Variants in FSBP observed in about 807,000 individuals in gnomAD.
FSBP encodes the protein fibrinogen silencer binding protein.
Under a neutral mutation model 24.6 loss-of-function variants are expected in FSBP, and 18 were observed. That is an observed-to-expected ratio of 0.73 (90% CI 0.51 to 1.08). The LOEUF (loss-of-function observed/expected upper bound fraction) is 1.08. Ranked by LOEUF, FSBP falls within the 50% of genes least tolerant of loss-of-function variation. The probability of loss-of-function intolerance (pLI) is 0.00; values close to 1 mark genes in which losing one functional copy is unlikely to be tolerated. For missense variants in FSBP, 305 were observed against 347.6 expected, an observed-to-expected ratio of 0.88 and a Z score of 0.98; for synonymous variants, 110 against 125.8, an observed-to-expected ratio of 0.87 and a Z score of 0.84.
chr8:94,433,430 T>C (rs181281326), intron 1 of FSBP, among the ~76,000 whole-genome samples: 1 of 152,134 alleles, frequency 6.6e-6, no homozygotes, highest in African/African-American at 2.4e-5. Flanking sequence ...GCTCATTATG[T>C]GTTGAATGAC....
intron 1 of FSBP, among the ~76,000 whole-genome samples, chr8:94,433,100 T>C (rs767853065): frequency 6.6e-6 from 1 of 152,070 alleles, no homozygotes; most frequent in Non-Finnish European, 1.5e-5. Context: ...CTTAAAACCA[T>C]GAAGGCCCAT....
In FSBP at chr8:94,428,036, G is replaced by A; in HGVS notation, c.*4095C>T. The A allele has an allele frequency of 1.1e-6, 1 of 947,134 alleles. No homozygotes were observed. The highest frequency in any genetic ancestry group is 1.3e-6 in the Non-Finnish European group (1 of 795,224). The allele number at this position is 947,134 out of a possible 1,614,324, so 58.7% of individuals were successfully genotyped here. A position where few individuals can be genotyped will look rare whatever the true frequency, so the allele number is the denominator to read the frequency against. ...GTATTCGTTAGAAATGAGTTTCACT[G>A]ACTTTTCTCAGGATGTCATTATAAA... is the stretch of plus-strand genomic sequence containing the variant. On this transcript the variant is annotated 3_prime_UTR_variant, in exon 2 of 2. Coordinates refer to ENST00000481490, the MANE Select transcript of FSBP (RefSeq NM_001256141.2).
chr8:94,429,147 A>T lies in FSBP; in HGVS notation c.*2984T>A. On this transcript the variant is annotated 3_prime_UTR_variant, in exon 2 of 2. Coordinates refer to ENST00000481490, the MANE Select transcript of FSBP (RefSeq NM_001256141.2). ...AAGAGTGTGATTCTGGTGTTTAAAA[A>T]TATGTAAAAATAGGTTTCTTATTGT... 1.0e-6 allele frequency: 1 copy of T among 974,138 alleles called. No homozygotes were observed. The highest frequency in any genetic ancestry group is 1.8e-5 in the African/African-American group (1 of 57,098). 60.3% of individuals were successfully genotyped at this position (974,138 alleles called of 1,614,324 possible). A position where few individuals can be genotyped will look rare whatever the true frequency, so the allele number is the denominator to read the frequency against.
chr8:94,429,016 A>T lies in FSBP; in HGVS notation c.*3115T>A. The T allele has an allele frequency of 5.1e-6, 5 of 983,478 alleles. No individual in the cohort carries two copies. Among genetic ancestry groups the T allele is most frequent in the Non-Finnish European group, 6.0e-6 (5 of 828,134 alleles). 60.9% of individuals were successfully genotyped at this position (983,478 alleles called of 1,614,324 possible). A position where few individuals can be genotyped will look rare whatever the true frequency, so the allele number is the denominator to read the frequency against. ...ATCATGGTTATACAAGGGGAGGTAG[A>T]CAATGAGGAGAATTATATGCATTTA... On this transcript the variant is annotated 3_prime_UTR_variant, in exon 2 of 2. Coordinates refer to ENST00000481490, the MANE Select transcript of FSBP (RefSeq NM_001256141.2).
Position 94,430,052 on chromosome 8 carries a change from G to A in FSBP, c.*2079C>T. On this transcript the variant is annotated 3_prime_UTR_variant, in exon 2 of 2. Coordinates refer to ENST00000481490, the MANE Select transcript of FSBP (RefSeq NM_001256141.2). ...ATTTAGGCTGGGCACGGTGGCTCAA[G>A]CCTGTAATCCCAGCACTTTGGGAGG... 2 of 983,088 alleles carry A rather than the reference G, an allele frequency of 2.0e-6. No homozygotes were observed. The highest frequency in any genetic ancestry group is 1.2e-6 in the Non-Finnish European group (1 of 827,938). The allele number at this position is 983,088 out of a possible 1,614,324, so 60.9% of individuals were successfully genotyped here. A position where few individuals can be genotyped will look rare whatever the true frequency, so the allele number is the denominator to read the frequency against.
In FSBP at chr8:94,428,162, T is replaced by C; in HGVS notation, c.*3969A>G. On this transcript the variant is annotated 3_prime_UTR_variant, in exon 2 of 2. Transcript: ENST00000481490. Reference sequence around the variant, plus strand: ...AGTGGCTATCCACTATCTAAATTACTAATATATTGGATGAAATAATCTATA... The same window carrying C: ...AGTGGCTATCCACTATCTAAATTACCAATATATTGGATGAAATAATCTATA... 1 of 836,592 alleles carries C rather than the reference T, an allele frequency of 1.2e-6. No individual in the cohort carries two copies. The allele number at this position is 836,592 out of a possible 1,614,324, so 51.8% of individuals were successfully genotyped here.
In FSBP at chr8:94,432,673, A is replaced by T; in HGVS notation, c.375-17T>A. ...AAGTTTGCACTATAGCACACAAAAA[A>T]GCATTATAATATGTAAATCAAATGA... On this transcript the variant is annotated splice_polypyrimidine_tract_variant and intron_variant, in intron 1 of 1. Coordinates refer to ENST00000481490, the MANE Select transcript of FSBP (RefSeq NM_001256141.2). 6.8e-7 allele frequency: 1 copy of T among 1,470,954 alleles called. No individual in the cohort carries two copies. Among genetic ancestry groups the T allele is most frequent in the South Asian group, 1.5e-5 (1 of 67,948 alleles). The allele number at this position is 1,470,954 out of a possible 1,614,324, so 91.1% of individuals were successfully genotyped here. A position where few individuals can be genotyped will look rare whatever the true frequency, so the allele number is the denominator to read the frequency against.
chr8:94,435,547 T>G (rs1479777186), intron 1 of FSBP, among the ~76,000 whole-genome samples: 2 of 152,240 alleles, frequency 1.3e-5, no homozygotes, highest in East Asian at 3.8e-4. Flanking sequence ...AGTTTACAAT[T>G]TGTTTAAATT....
rs1025683833 is a variant in FSBP, at chr8:94,430,762, A to T, written c.*1369T>A. The T allele has an allele frequency of 4.1e-6, 4 of 982,624 alleles. No individual in the cohort carries two copies. Among genetic ancestry groups the T allele is most frequent in the Non-Finnish European group, 2.4e-6 (2 of 827,370 alleles). The allele number at this position is 982,624 out of a possible 1,614,324, so 60.9% of individuals were successfully genotyped here. ...TTTTAAAATTGGAAGATTCCTCATT[A>T]AAAAATGCAGATTTCTGGTTTATCC... On this transcript the variant is annotated 3_prime_UTR_variant, in exon 2 of 2. Transcript: ENST00000481490.
At chr8:94,433,168 C>T (rs1428625509) in intron 1 of FSBP, among the ~76,000 whole-genome samples, 2 of 151,970 alleles carry the variant, frequency 1.3e-5, no homozygotes, top group African/African-American at 4.8e-5. Context: ...CTGCATTTGC[C>T]CAAAAAATAA....
At position 94,428,612 on chromosome 8, in the gene FSBP, G is replaced by A. The variant is rs1273424006; in HGVS notation, c.*3519C>T. On this transcript the variant is annotated 3_prime_UTR_variant, in exon 2 of 2. Transcript: ENST00000481490. ...GCCCAACTCCTACCTCAGTTATACC[G>A]TCTTTTTAAATTTCGTATTACTTTT... is the stretch of plus-strand genomic sequence containing the variant. 1.2e-5 allele frequency: 7 copies of A among 574,466 alleles called. No homozygotes were observed. Among genetic ancestry groups the A allele is most frequent in the East Asian group, 1.4e-4 (1 of 6,988 alleles). The allele number at this position is 574,466 out of a possible 1,614,324, so 35.6% of individuals were successfully genotyped here. A position where few individuals can be genotyped will look rare whatever the true frequency, so the allele number is the denominator to read the frequency against.
At position 94,430,692 on chromosome 8, in the gene FSBP, T is replaced by C. The variant is rs1812070096; in HGVS notation, c.*1439A>G. The stretch of plus-strand genomic sequence containing the variant: ...TGGCTCAGTGAGGCCCACTCACATG[T>C]TGTCTGTATAATGTTTTAAAAGCAT... On this transcript the variant is annotated 3_prime_UTR_variant, in exon 2 of 2. Transcript: ENST00000481490. The C allele has an allele frequency of 2.3e-6, 2 of 869,720 alleles. No homozygotes were observed. The highest frequency in any genetic ancestry group is 2.8e-6 in the Non-Finnish European group (2 of 724,560). The allele number at this position is 869,720 out of a possible 1,614,324, so 53.9% of individuals were successfully genotyped here.
intron 1 of FSBP, among the ~76,000 whole-genome samples, chr8:94,434,046 T>C (rs1014621423): frequency 6.6e-6 from 1 of 151,870 alleles, no homozygotes; most frequent in Non-Finnish European, 1.5e-5. Context: ...TGTTCTTGTC[T>C]CTGTTTGTGT....
rs60634729 is a variant in FSBP, at chr8:94,430,310, CAAA to C, written c.*1818_*1820del. ...TAGGTGACAAAGCAAGACTCCATCT[CAAA>C]AAAAAAAAAAAAAAGTATTTAATGT... On this transcript the variant is annotated 3_prime_UTR_variant, in exon 2 of 2. Coordinates refer to ENST00000481490, the MANE Select transcript of FSBP (RefSeq NM_001256141.2). 2.5e-3 allele frequency: 2,150 copies of C among 861,558 alleles called. No individual in the cohort carries two copies. Among genetic ancestry groups the C allele is most frequent in the Middle Eastern group, 3.1e-3 (5 of 1,638 alleles). The allele number at this position is 861,558 out of a possible 1,614,324, so 53.4% of individuals were successfully genotyped here.
chr8:94,431,833 A>G lies in FSBP; in HGVS notation c.*298T>C. The G allele has an allele frequency of 9.6e-7, 1 of 1,037,646 alleles. No homozygotes were observed. Among genetic ancestry groups the G allele is most frequent in the South Asian group, 4.1e-5 (1 of 24,216 alleles). The allele number at this position is 1,037,646 out of a possible 1,614,324, so 64.3% of individuals were successfully genotyped here. A position where few individuals can be genotyped will look rare whatever the true frequency, so the allele number is the denominator to read the frequency against. ...TGAAGACTCAGAACTTTGAAAGAATATGTGTTTGTATATGCATTTGTGTAT... is the reference window on the plus strand; with the variant it reads ...TGAAGACTCAGAACTTTGAAAGAATGTGTGTTTGTATATGCATTTGTGTAT... On this transcript the variant is annotated 3_prime_UTR_variant, in exon 2 of 2. Coordinates refer to ENST00000481490, the MANE Select transcript of FSBP (RefSeq NM_001256141.2).
At chr8:94,435,589 G>A (rs1475615059) in intron 1 of FSBP, among the ~76,000 whole-genome samples, 1 of 152,020 alleles carries the variant, frequency 6.6e-6, no homozygotes, top group African/African-American at 2.4e-5. Context: ...GAATGTAGCT[G>A]CCATTTTTAT....
chr8:94,428,247 A>G lies in FSBP; in HGVS notation c.*3884T>C. On this transcript the variant is annotated 3_prime_UTR_variant, in exon 2 of 2. Transcript: ENST00000481490. Reference sequence around the variant, plus strand: ...ACAGAATCAAGTCTACATTTAAAAAACAAAATCACTCTTCTCTATGTTCTC... The same window carrying G: ...ACAGAATCAAGTCTACATTTAAAAAGCAAAATCACTCTTCTCTATGTTCTC... 1 of 942,958 alleles carries G rather than the reference A, an allele frequency of 1.1e-6. No individual in the cohort carries two copies. Among genetic ancestry groups the G allele is most frequent in the South Asian group, 4.9e-5 (1 of 20,338 alleles). 58.4% of individuals were successfully genotyped at this position (942,958 alleles called of 1,614,324 possible).
chr8:94,428,765 T>C lies in FSBP; in HGVS notation c.*3366A>G, dbSNP rs1812007381. The C allele has an allele frequency of 2.0e-6, 2 of 985,142 alleles. No homozygotes were observed. Among genetic ancestry groups the C allele is most frequent in the Admixed American group, 6.2e-5 (1 of 16,252 alleles). 61.0% of individuals were successfully genotyped at this position (985,142 alleles called of 1,614,324 possible). On this transcript the variant is annotated 3_prime_UTR_variant, in exon 2 of 2. Coordinates refer to ENST00000481490, the MANE Select transcript of FSBP (RefSeq NM_001256141.2). ...CATTGTACTAGCAAACTTTCCCCTATATATTCCCCTTAATGAAACTTGTCC... is the reference window on the plus strand; with the variant it reads ...CATTGTACTAGCAAACTTTCCCCTACATATTCCCCTTAATGAAACTTGTCC...
chr8:94,428,228 T>A lies in FSBP; in HGVS notation c.*3903A>T, dbSNP rs181174700. On this transcript the variant is annotated 3_prime_UTR_variant, in exon 2 of 2. Coordinates refer to ENST00000481490, the MANE Select transcript of FSBP (RefSeq NM_001256141.2). ...TCAAATGTAGTATATTTCTACAGAA[T>A]CAAGTCTACATTTAAAAAACAAAAT... 4.6e-4 allele frequency: 405 copies of A among 883,956 alleles called. No individual in the cohort carries two copies. In the African/African-American group the frequency reaches 6.7e-3, roughly 15 times the overall value. 54.8% of individuals were successfully genotyped at this position (883,956 alleles called of 1,614,324 possible).
Sources: allele counts gnomAD v4.1 joint callset (sites outside exome capture counted in the v4.1 genomes callset), GRCh38; gene constraint gnomAD v4.1.1; transcripts MANE v1.5; gene names NCBI Gene and HGNC (gene_info 2026-07-23, HGNC 2026-07-21).